DNAH8: variants seen among roughly 807,000 people sequenced by gnomAD.
DNAH8 encodes the protein dynein axonemal heavy chain 8.
A neutral mutation model predicts 562.1 loss-of-function variants in DNAH8; 382 were observed. The ratio of observed to expected loss-of-function variants is 0.68; its 90% CI spans 0.63 to 0.74. The LOEUF is 0.74. Ranked by LOEUF, DNAH8 falls within the 30% of genes least tolerant of loss-of-function variation. DNAH8 has a pLI of 0.00. For missense variants in DNAH8, 5,203 were observed against 5,620.4 expected (o/e 0.93, Z 2.37); for synonymous variants, 1,881 against 1,919.4 (o/e 0.98, Z 0.52).
At chr6:38,722,336 G>C (rs1293331787) in intron 1 of DNAH8, among the ~76,000 whole-genome samples, 3 of 152,162 alleles carry the variant, frequency 2.0e-5, no homozygotes, top group African/African-American at 7.2e-5. Context: ...GGAACCTTTA[G>C]AGTTCACGAA....
At chr6:38,726,658 A>C (rs1763244855) in intron 3 of DNAH8, among the ~76,000 whole-genome samples, 2 of 152,116 alleles carry the variant, frequency 1.3e-5, no homozygotes, top group Non-Finnish European at 2.9e-5. Context: ...TCGTGTACCC[A>C]GTAGGGAAAC....
At position 38,770,460 on chromosome 6, in the gene DNAH8, A is replaced by G. The variant is rs1470816331; in HGVS notation, c.1665A>G (p.Thr555=). 2 of 1,606,786 alleles carry G rather than the reference A, an allele frequency of 1.2e-6. No individual in the cohort carries two copies. The highest frequency in any genetic ancestry group is 1.7e-5 in the Admixed American group (1 of 59,148). ...AATATCAGGCATCTTTTCATAAAAC[A>G]AGGAAACTGATTTCAGAATCCTCAG... ...FKEYQASFHK[T]RKLISESSGE... The change falls in exon 12 of 93, where the codon ACA becomes ACG. Residue 555 remains threonine (T), a synonymous_variant. Coordinates refer to ENST00000327475, the MANE Select transcript of DNAH8 (RefSeq NM_001206927.2).
At position 38,812,700 on chromosome 6, in the gene DNAH8, A is replaced by G. The variant is rs1473336940; in HGVS notation, c.3258-1354A>G. ...TTTAGATGCAGGTGGATTTCCCCCC[A>G]TTAATCCTGTCAGGCACCTAGAGAA... On this transcript the variant is annotated intron_variant, in intron 24 of 92. Transcript: ENST00000327475. Among the ~76,000 whole-genome samples the G allele has an allele frequency of 2.0e-5, 3 of 152,006 alleles. No individual in the cohort carries two copies. In the East Asian group the frequency reaches 5.8e-4, roughly 29 times the overall value.
chr6:38,780,416 A>G (rs1291629833), intron 15 of DNAH8, among the ~76,000 whole-genome samples: 1 of 152,234 alleles, frequency 6.6e-6, no homozygotes, highest in East Asian at 1.9e-4. Flanking sequence ...ACTATTCACA[A>G]TAGCAGAGAT....
intron 53 of DNAH8, among the ~76,000 whole-genome samples, chr6:38,880,322 G>A (rs1174836202): frequency 1.3e-5 from 2 of 152,070 alleles, no homozygotes; most frequent in African/African-American, 4.8e-5. Flanking sequence ...TGTAAGATCT[G>A]TATACTAAAA....
chr6:38,733,242 AAGGCTGTTG>A (rs749354216), intron 4 of DNAH8, among the ~76,000 whole-genome samples: 38,366 of 151,698 alleles, frequency 0.25, 5,780 homozygotes, highest in Non-Finnish European at 0.35. Flanking sequence ...CTGCAAATAG[AAGGCTGTTG>A]ATTTTTGCAA....
At chr6:38,911,665 C>CATTT (rs1470015676) in intron 66 of DNAH8, 79 bp downstream of exon 66, 3 of 993,706 alleles carry the variant, frequency 3.0e-6, no homozygotes, top group Non-Finnish European at 4.6e-6. Flanking sequence ...GTTTGGTGGA[C>CATTT]ATTTTGTCTG....
rs1251073756 is a variant in DNAH8 at position 38,929,613 on chromosome 6, G to C, written c.11221G>C (p.Ala3741Pro). The C allele has an allele frequency of 1.2e-6, 2 of 1,606,522 alleles. No homozygotes were observed. The highest frequency in any genetic ancestry group is 2.2e-5 in the South Asian group (2 of 90,576). The change falls in exon 75 of 93, where the codon GCC (alanine) becomes CCC (proline). Residue 3741 changes from alanine (A) to proline (P), a missense_variant. Ala to Pro is a conservative substitution (Grantham distance 27). Transcript: ENST00000327475. ...GGACATTCATGAAGAGCTGGATCCA[G>C]CCTTGGATAATGTATTAGAAAAGAA... ...IEDIHEELDPALDNVLEKNFI... is the reference protein window; with the variant it reads ...IEDIHEELDPPLDNVLEKNFI...
rs956138469 is a variant in DNAH8 at position 38,749,082 on chromosome 6, A to G, written c.1294-1394A>G. Among the ~76,000 whole-genome samples the G allele has an allele frequency of 4.5e-4, 69 of 152,084 alleles. 4 individuals are homozygous for G. ...GTGTGTGTCCCAAGTAGAAAGGCCA[A>G]GAGGTTGAAGCTATTAAGACCATGT... On this transcript the variant is annotated intron_variant, in intron 8 of 92. Coordinates refer to ENST00000327475, the MANE Select transcript of DNAH8 (RefSeq NM_001206927.2).
chr6:38,883,762 T>A (rs749084858), intron 55 of DNAH8, 114 bp from the exon 56 acceptor site: 15 of 834,420 alleles, frequency 1.8e-5, no homozygotes, highest in African/African-American at 3.5e-5. Flanking sequence ...TAATTATATG[T>A]ATACTTATTA....
chr6:38,990,440 G>A (rs1583521524), intron 88 of DNAH8, among the ~76,000 whole-genome samples: 2 of 152,152 alleles, frequency 1.3e-5, no homozygotes, highest in Non-Finnish European at 2.9e-5. Flanking sequence ...GTCATAAAAC[G>A]AGTTGGTGTT....
In DNAH8 at chr6:38,770,456, A is replaced by T. The variant is rs1767455847; in HGVS notation, c.1661A>T (p.Lys554Ile). The stretch of plus-strand genomic sequence containing the variant: ...AAGGAATATCAGGCATCTTTTCATA[A>T]AACAAGGAAACTGATTTCAGAATCC... ...LFKEYQASFH[K>I]TRKLISESSG... is the part of the protein sequence containing the mutation. Residue 554 changes from lysine to isoleucine, a missense_variant, in exon 12 of 93, where the codon AAA (lysine) becomes ATA (isoleucine). Lys to Ile is a moderately radical substitution (Grantham distance 102). This residue lies in a region of DNAH8 where 2,176 missense variants were observed against 2,365.1 expected (regional missense o/e 0.92). Transcript: ENST00000327475. 1 of 1,605,896 alleles carries T rather than the reference A, an allele frequency of 6.2e-7. No individual in the cohort carries two copies. The highest frequency in any genetic ancestry group is 1.3e-5 in the African/African-American group (1 of 74,550).
intron 88 of DNAH8, among the ~76,000 whole-genome samples, chr6:39,005,357 G>A (rs894965015): frequency 6.6e-6 from 1 of 152,102 alleles, no homozygotes; most frequent in Non-Finnish European, 1.5e-5. Flanking sequence ...AGGTTGCAGC[G>A]AGCACCACTG....
intron 63 of DNAH8, 24 bp downstream of exon 63, chr6:38,906,431 A>C (rs779107518): frequency 1.4e-5 from 21 of 1,512,950 alleles, no homozygotes; most frequent in Non-Finnish European, 1.7e-5. Context: ...GTAGAGAAAA[A>C]GCCCATATTG....
chr6:38,856,422 A>T (rs985508444), intron 41 of DNAH8, among the ~76,000 whole-genome samples: 19 of 152,346 alleles, frequency 1.2e-4, no homozygotes, highest in Admixed American at 6.5e-4. Flanking sequence ...TTGGATAGAC[A>T]TAATTATGCA....
intron 57 of DNAH8, among the ~76,000 whole-genome samples, chr6:38,888,179 A>C (rs1211146560): frequency 1.3e-5 from 2 of 152,176 alleles, no homozygotes; most frequent in East Asian, 3.9e-4. Flanking sequence ...TGGGATACTT[A>C]GTAATTCTTA....
rs1171094121 is a variant in DNAH8, at chr6:38,902,872, G to A, written c.9194+2966G>A. Among the ~76,000 whole-genome samples, 3 of 152,164 alleles carry A rather than the reference G, an allele frequency of 2.0e-5. No homozygotes were observed. In the East Asian group the frequency reaches 5.8e-4, roughly 29 times the overall value. ...AATTTCTCTAGTGGTACAGTTGTGT[G>A]CCCCATAAGGACATTTTGGTCAACA... On this transcript the variant is annotated intron_variant, in intron 62 of 92. Coordinates refer to ENST00000327475, the MANE Select transcript of DNAH8 (RefSeq NM_001206927.2).
At chr6:38,765,090 C>T (rs1766876572) in intron 11 of DNAH8, among the ~76,000 whole-genome samples, 1 of 152,250 alleles carries the variant, frequency 6.6e-6, no homozygotes. Context: ...CCTGCCTCAG[C>T]CTCCCAAAGT....
rs760955492 is a variant in DNAH8 at position 38,778,479 on chromosome 6, T to C, written c.2039+15T>C. The C allele has an allele frequency of 6.8e-7, 1 of 1,479,106 alleles. No homozygotes were observed. The highest frequency in any genetic ancestry group is 1.2e-5 in the South Asian group (1 of 81,688). 91.6% of individuals were successfully genotyped at this position (1,479,106 alleles called of 1,614,324 possible). A position where few individuals can be genotyped will look rare whatever the true frequency, so the allele number is the denominator to read the frequency against. The stretch of plus-strand genomic sequence containing the variant: ...CTACTTCAAAGGTATTCATAACACT[T>C]TAAGCAGAGTAGTTTCTGGGGGGAA... On this transcript the variant is annotated intron_variant, in intron 14 of 92. Transcript: ENST00000327475.
Sources: gnomAD v4.1 joint callset for allele counts (sites outside exome capture counted in the v4.1 genomes callset) on GRCh38, gnomAD v4.1.1 for gene constraint, gnomAD v4.1.1 regional missense constraint, MANE v1.5 for transcripts, NCBI Gene and HGNC (gene_info 2026-07-23, HGNC 2026-07-21) for gene names.